Variants in ETFB observed in about 807,000 individuals in gnomAD.
ETFB encodes the protein electron transfer flavoprotein subunit beta.
A neutral mutation model predicts 25.6 loss-of-function variants in ETFB; 20 were observed. The ratio of observed to expected loss-of-function variants is 0.78; its 90% confidence interval spans 0.55 to 1.14. The LOEUF (loss-of-function observed/expected upper bound fraction) is 1.14, where lower values mean the gene tolerates loss of function less well. ETFB is among the 50% of genes most tolerant of loss of function. ETFB has a pLI of 0.00. For synonymous variants in ETFB, 142 were observed against 146.7 expected, an observed-to-expected ratio of 0.97 and a Z score of 0.23; for missense variants, 286 against 342.6, an observed-to-expected ratio of 0.83 and a Z score of 1.30.
chr19:51,365,594 CCT>C (rs1215012181), intron 1 of ETFB: 1 of 156,948 alleles, frequency 6.4e-6, no homozygotes, highest in African/African-American at 2.4e-5. Context: ...GTCTGATTCA[CCT>C]CTGTCCACAC....
intron 3 of ETFB, among the ~76,000 whole-genome samples, chr19:51,352,194 C>T (rs1399546531): frequency 6.6e-6 from 1 of 152,102 alleles, no homozygotes; most frequent in Non-Finnish European, 1.5e-5. Flanking sequence ...CCTCCAATTT[C>T]CCATTCCAGT....
chr19:51,347,129 C>T, intron 4 of ETFB, 71 bp from the exon 5 acceptor site: 1 of 1,493,698 alleles, frequency 6.7e-7, no homozygotes, highest in Admixed American at 1.7e-5. Flanking sequence ...TCTGCTTATG[C>T]CACTACTGAG....
At chr19:51,359,415 C>A (rs1280297925) in intron 1 of ETFB, among the ~76,000 whole-genome samples, 1 of 151,318 alleles carries the variant, frequency 6.6e-6, no homozygotes, top group East Asian at 1.9e-4. Flanking sequence ...CAGAAAAGAA[C>A]CTCATCCACC....
intron 4 of ETFB, among the ~76,000 whole-genome samples, chr19:51,349,884 C>T (rs1985890338): frequency 6.6e-6 from 1 of 151,970 alleles, no homozygotes; most frequent in Non-Finnish European, 1.5e-5. Context: ...GTAGCTGAGA[C>T]TACAGGCGCA....
At chr19:51,348,721 A>G (rs1255824413) in intron 4 of ETFB, among the ~76,000 whole-genome samples, 2 of 151,524 alleles carry the variant, frequency 1.3e-5, no homozygotes, top group African/African-American at 4.9e-5. Context: ...CAAACAAACA[A>G]AAAAACACAG....
chr19:51,353,122 C>A lies in ETFB; in HGVS notation c.375+10G>T. On this transcript the variant is annotated intron_variant, in intron 3 of 5. Coordinates refer to ENST00000309244, the MANE Select transcript of ETFB (RefSeq NM_001985.3). ...AGCAAGGGGGCACAGGGAGGGCTGA[C>A]CACAGCTACCTGTTTGCCCAGCAGC... 1 of 1,613,890 alleles carries A rather than the reference C, an allele frequency of 6.2e-7. No homozygotes were observed. Among genetic ancestry groups the A allele is most frequent in the Non-Finnish European group, 8.5e-7 (1 of 1,179,978 alleles).
intron 1 of ETFB, among the ~76,000 whole-genome samples, chr19:51,357,283 A>T (rs1336538818): frequency 1.3e-5 from 2 of 151,080 alleles, no homozygotes; most frequent in Admixed American, 6.6e-5. Flanking sequence ...CATGTTGGCC[A>T]GGCTGGTCTT....
At chr19:51,363,695 C>T (rs931158198) in intron 1 of ETFB, among the ~76,000 whole-genome samples, 2 of 152,084 alleles carry the variant, frequency 1.3e-5, no homozygotes, top group Non-Finnish European at 2.9e-5. Context: ...CTGATCCACT[C>T]GCCTCAGCCT....
chr19:51,358,635 C>T (rs1194832045), intron 1 of ETFB, among the ~76,000 whole-genome samples: 1 of 152,064 alleles, frequency 6.6e-6, no homozygotes, highest in Non-Finnish European at 1.5e-5. Context: ...CCCATCTCTA[C>T]TAAAAATAAA....
chr19:51,358,044 G>A (rs938412405), intron 1 of ETFB, among the ~76,000 whole-genome samples: 2 of 152,308 alleles, frequency 1.3e-5, no homozygotes, highest in East Asian at 3.9e-4. Flanking sequence ...GGAAGACGGC[G>A]AGTTTGGTTT....
intron 3 of ETFB, 25 bp from the exon 4 acceptor site, chr19:51,350,416 G>A (rs373523434): frequency 1.4e-5 from 17 of 1,224,470 alleles, no homozygotes; most frequent in African/African-American, 8.9e-5. Context: ...ACAGAAGACT[G>A]TATGACAATC....
At chr19:51,351,268 T>C (rs556457267) in intron 3 of ETFB, among the ~76,000 whole-genome samples, 1 of 152,338 alleles carries the variant, frequency 6.6e-6, no homozygotes, top group Admixed American at 6.5e-5. Flanking sequence ...TGCTCCTTTC[T>C]TTCTGCTGGG....
At chr19:51,352,937 C>G (rs1044846522) in intron 3 of ETFB, among the ~76,000 whole-genome samples, 195 bp downstream of exon 3, 4 of 152,166 alleles carry the variant, frequency 2.6e-5, no homozygotes, top group Non-Finnish European at 4.4e-5. Context: ...CCAAGAGGAT[C>G]TTTCTAACAC....
chr19:51,366,152 G>A (rs1299651607), intron 1 of ETFB, 118 bp downstream of exon 1: 1 of 1,010,248 alleles, frequency 9.9e-7, no homozygotes, highest in Non-Finnish European at 1.6e-6. Context: ...TTTGACGTTT[G>A]GGGGTTAAAG....
intron 1 of ETFB, chr19:51,356,534 CA>C (rs894716832): frequency 4.1e-4 from 62 of 152,296 alleles, no homozygotes; most frequent in African/African-American, 1.5e-3. Flanking sequence ...AGGTGGGTGG[CA>C]AACCCCACCC....
At chr19:51,351,769 C>G (rs1985938875) in intron 3 of ETFB, among the ~76,000 whole-genome samples, 1 of 152,164 alleles carries the variant, frequency 6.6e-6, no homozygotes, top group African/African-American at 2.4e-5. Context: ...AGTGACCTAC[C>G]TGGACCCATC....
chr19:51,351,333 G>C (rs772669700), intron 3 of ETFB, among the ~76,000 whole-genome samples: 4 of 152,228 alleles, frequency 2.6e-5, no homozygotes, highest in Non-Finnish European at 5.9e-5. Context: ...AGACAAGGTA[G>C]AGGGGAGCCT....
At chr19:51,353,831 G>C (rs7507642) in intron 2 of ETFB, among the ~76,000 whole-genome samples, 87 of 2,762 alleles carry the variant, frequency 0.031, 1 homozygote, top group Middle Eastern at 0.25. Context: ...GGAGTCCAGG[G>C]CCCCATCCCC....
chr19:51,354,560 T>C lies in ETFB; in HGVS notation c.58-252A>G, dbSNP rs551328958. On this transcript the variant is annotated intron_variant, in intron 1 of 5. Coordinates refer to ENST00000309244, the MANE Select transcript of ETFB (RefSeq NM_001985.3). The stretch of plus-strand genomic sequence containing the variant: ...ACATCTGACTTGATCATCCCTACTG[T>C]TGTCACTGCTCCTCTCAGGCCTGAA... 1.9e-6 allele frequency: 3 copies of C among 1,614,224 alleles called. No homozygotes were observed. The South Asian group carries it at 3.3e-5, about 18-fold the overall frequency.
Sources: allele counts gnomAD v4.1 joint callset (sites outside exome capture counted in the v4.1 genomes callset), GRCh38; gene constraint gnomAD v4.1.1; transcripts MANE v1.5; gene names NCBI Gene and HGNC (gene_info 2026-07-23, HGNC 2026-07-21).